Variants in GRM8 observed in about 807,000 individuals in gnomAD.
GRM8 encodes glutamate metabotropic receptor 8, also known as metabotropic glutamate receptor 8.
In GRM8, 47 loss-of-function variants were observed where a neutral mutation model predicts 87.2. The observed-to-expected ratio is 0.54, with a 90% CI of 0.43 to 0.69. GRM8 has a LOEUF of 0.69. Ranked by LOEUF, GRM8 falls within the 30% of genes least tolerant of loss-of-function variation. The probability of loss-of-function intolerance (pLI) is 0.00; values close to 1 mark genes in which losing one functional copy is unlikely to be tolerated. For synonymous variants in GRM8, 396 were observed against 404.5 expected, an observed-to-expected ratio of 0.98 and a Z score of 0.25; for missense variants, 1,019 against 1,139.2, an observed-to-expected ratio of 0.89 and a Z score of 1.52.
chr7:126,920,464 C>A (rs1804401997), intron 3 of GRM8, among the ~76,000 whole-genome samples: 1 of 152,068 alleles, frequency 6.6e-6, no homozygotes, highest in South Asian at 2.1e-4. Context: ...AATTGACTTA[C>A]CAGAATAGAA....
At position 126,619,669 on chromosome 7, in the gene GRM8, A is replaced by C. The variant is rs551934145; in HGVS notation, c.1358-10171T>G. ...CCATCCTATACGTTAGGTATTTCATAAATTTTGATGTGTATTAATTTTGTT... is the reference window on the plus strand; with the variant it reads ...CCATCCTATACGTTAGGTATTTCATCAATTTTGATGTGTATTAATTTTGTT... On this transcript the variant is annotated intron_variant, in intron 7 of 10. Transcript: ENST00000339582. Among the ~76,000 whole-genome samples, 5 of 152,148 alleles carry C rather than the reference A, an allele frequency of 3.3e-5. No homozygotes were observed. The East Asian group carries it at 9.7e-4, about 29-fold the overall frequency.
At chr7:127,229,832 T>A (rs1797571309) in intron 2 of GRM8, 1 of 152,166 alleles carries the variant, frequency 6.6e-6, no homozygotes, top group Non-Finnish European at 1.5e-5. Flanking sequence ...ACTCAAGGGT[T>A]AGGAAAATGG....
intron 7 of GRM8, among the ~76,000 whole-genome samples, chr7:126,636,126 T>C (rs1169069708): frequency 1.3e-5 from 2 of 152,336 alleles, no homozygotes; most frequent in Middle Eastern, 3.4e-3. Flanking sequence ...AAATGCTTTA[T>C]GCATTCTGAT....
chr7:126,447,274 T>A (rs561694261), intron 9 of GRM8: 1 of 152,064 alleles, frequency 6.6e-6, no homozygotes, highest in East Asian at 1.9e-4. Flanking sequence ...AGTATTTCAT[T>A]CTTTAAAAAC....
At chr7:127,043,773 T>A (rs1414820795) in intron 3 of GRM8, among the ~76,000 whole-genome samples, 4 of 151,810 alleles carry the variant, frequency 2.6e-5, no homozygotes, top group East Asian at 1.9e-4. Context: ...ATAAAAAAAA[T>A]AAAATAAAAA....
At chr7:126,968,190 C>A (rs1020829933) in intron 3 of GRM8, among the ~76,000 whole-genome samples, 3 of 152,092 alleles carry the variant, frequency 2.0e-5, no homozygotes, top group African/African-American at 7.2e-5. Context: ...TGAGATTTAT[C>A]TATTAAACAA....
intron 7 of GRM8, among the ~76,000 whole-genome samples, chr7:126,738,814 A>G (rs10250459): frequency 0.39 from 58,743 of 149,334 alleles, 12,739 homozygotes; most frequent in Non-Finnish European, 0.48. Context: ...TTTAATTGCT[A>G]GAAGAGGAGA....
At chr7:126,790,024 T>C (rs1221413800) in intron 6 of GRM8, among the ~76,000 whole-genome samples, 3 of 152,132 alleles carry the variant, frequency 2.0e-5, no homozygotes, top group Non-Finnish European at 4.4e-5. Flanking sequence ...TTTTTTTTTT[T>C]TGGACAGAGT....
intron 3 of GRM8, among the ~76,000 whole-genome samples, chr7:126,992,818 T>C (rs1433433933): frequency 6.6e-6 from 1 of 150,896 alleles, no homozygotes; most frequent in Non-Finnish European, 1.5e-5. Flanking sequence ...TGTGTGTGTG[T>C]GTGTGTGTGT....
chr7:126,448,395 A>T (rs1802255480), intron 9 of GRM8, among the ~76,000 whole-genome samples: 1 of 151,980 alleles, frequency 6.6e-6, no homozygotes, highest in South Asian at 2.1e-4. Context: ...ATATTTTTGT[A>T]ATAAACATCC....
intron 7 of GRM8, among the ~76,000 whole-genome samples, chr7:126,751,174 GA>G (rs1459913416): frequency 6.6e-5 from 10 of 151,906 alleles, no homozygotes; most frequent in Admixed American, 6.6e-5. Context: ...AAGAATGAAA[GA>G]AAACCAATGT....
intron 2 of GRM8, among the ~76,000 whole-genome samples, chr7:127,205,187 A>T (rs1325615029): frequency 6.6e-6 from 1 of 152,132 alleles, no homozygotes; most frequent in Non-Finnish European, 1.5e-5. Context: ...CTGGCCCTGT[A>T]TGTTATTTTT....
chr7:127,001,585 G>A (rs554726750), intron 3 of GRM8, among the ~76,000 whole-genome samples: 40 of 151,626 alleles, frequency 2.6e-4, no homozygotes, highest in Non-Finnish European at 5.5e-4. Flanking sequence ...AGGCTAGAAC[G>A]AGTGGAATTC....
intron 7 of GRM8, among the ~76,000 whole-genome samples, chr7:126,695,009 C>A (rs1435088590): frequency 2.6e-5 from 4 of 152,152 alleles, no homozygotes; most frequent in African/African-American, 9.7e-5. Flanking sequence ...CCCAGTCTTG[C>A]CTCATAGATA....
chr7:126,979,236 C>T (rs562525027), intron 3 of GRM8, among the ~76,000 whole-genome samples: 8 of 152,258 alleles, frequency 5.3e-5, no homozygotes, highest in South Asian at 2.1e-4. Flanking sequence ...CCTTCTCTCC[C>T]GGCCAAGCTG....
chr7:126,901,317 C>T (rs1173073059), intron 6 of GRM8, among the ~76,000 whole-genome samples: 1 of 152,186 alleles, frequency 6.6e-6, no homozygotes, highest in Non-Finnish European at 1.5e-5. Flanking sequence ...CCTTCCTCCT[C>T]CTAATACCCA....
intron 6 of GRM8, among the ~76,000 whole-genome samples, chr7:126,864,706 T>A (rs1356480268): frequency 6.6e-6 from 1 of 152,222 alleles, no homozygotes; most frequent in Non-Finnish European, 1.5e-5. Context: ...TATTTGCTGA[T>A]TCTACTTCAG....
intron 7 of GRM8, among the ~76,000 whole-genome samples, chr7:126,676,119 C>T (rs892274676): frequency 6.6e-6 from 1 of 152,100 alleles, no homozygotes; most frequent in African/African-American, 2.4e-5. Context: ...AAATCAAGAA[C>T]CCAATCCCAT....
In GRM8 at chr7:126,626,163, A is replaced by C. The variant is rs12673913; in HGVS notation, c.1358-16665T>G. Reference sequence around the variant, plus strand: ...GGTCCAACCTTTTCAAATTTGCTGTACTAGGAAAAGGTCTTTCATCAACTA... The same window carrying C: ...GGTCCAACCTTTTCAAATTTGCTGTCCTAGGAAAAGGTCTTTCATCAACTA... On this transcript the variant is annotated intron_variant, in intron 7 of 10. Coordinates refer to ENST00000339582, the MANE Select transcript of GRM8 (RefSeq NM_000845.3). Among the ~76,000 whole-genome samples the C allele has an allele frequency of 3.6e-3, 546 of 150,278 alleles. 12 individuals are homozygous for C. The East Asian group carries it at 0.071, about 20-fold the overall frequency.
Sources: allele counts gnomAD v4.1 joint callset (sites outside exome capture counted in the v4.1 genomes callset), GRCh38; gene constraint gnomAD v4.1.1; transcripts MANE v1.5; gene names NCBI Gene and HGNC (gene_info 2026-07-23, HGNC 2026-07-21).